ITGA2: variants seen among roughly 807,000 people sequenced by gnomAD.
ITGA2 encodes integrin subunit alpha 2.
In ITGA2, 101 loss-of-function variants were observed where a neutral mutation model predicts 146.3. That is an observed-to-expected ratio of 0.69 (90% CI 0.59 to 0.81). ITGA2 has a LOEUF of 0.81. Among genes scored for constraint, ITGA2 ranks in the 40% least tolerant of loss-of-function variants. The pLI, the probability that ITGA2 is intolerant of heterozygous loss-of-function variation, is 0.00. For synonymous variants in ITGA2, 477 were observed against 487.1 expected (o/e 0.98, Z 0.27); for missense variants, 1,281 against 1,402.7 (o/e 0.91, Z 1.39).
In ITGA2 at chr5:53,093,545, A is replaced by G. The variant is rs1361532949; in HGVS notation, c.*2946A>G. 1 of 152,132 alleles carries G rather than the reference A, an allele frequency of 6.6e-6. No individual in the cohort carries two copies. The highest frequency in any genetic ancestry group is 1.5e-5 in the Non-Finnish European group (1 of 68,030). The allele number at this position is 152,132 out of a possible 1,614,324, so 9.4% of individuals were successfully genotyped here. A position where few individuals can be genotyped will look rare whatever the true frequency, so the allele number is the denominator to read the frequency against. ...GCCAGAGCATGCTCCCCCCGCAGTC[A>G]TGACAATCAAAAAATGTCTCCAGAC... On this transcript the variant is annotated 3_prime_UTR_variant, in exon 30 of 30. Coordinates refer to ENST00000296585, the MANE Select transcript of ITGA2 (RefSeq NM_002203.4).
At chr5:52,993,723 A>G (rs918140226) in intron 1 of ITGA2, among the ~76,000 whole-genome samples, 1 of 152,230 alleles carries the variant, frequency 6.6e-6, no homozygotes, top group African/African-American at 2.4e-5. Context: ...ATGTTCAGTC[A>G]ATGTGTATAA....
At position 53,064,954 on chromosome 5, in the gene ITGA2, A is replaced by T; in HGVS notation, c.1645A>T (p.Ile549Phe). ...QHQFLEGPEG[I>F]ENTRFGSAIA... ...CCAATTTCTTGAAGGCCCCGAGGGC[A>T]TTGAAAACACTCGATTTGGTTCAGC... Residue 549 changes from isoleucine (I) to phenylalanine (F), a missense_variant, in exon 14 of 30, where the codon ATT becomes TTT. Physicochemically the swap from Ile to Phe is conservative, Grantham distance 21 (BLOSUM62 0). Coordinates refer to ENST00000296585, the MANE Select transcript of ITGA2 (RefSeq NM_002203.4). 1 of 1,612,872 alleles carries T rather than the reference A, an allele frequency of 6.2e-7. No individual in the cohort carries two copies. The highest frequency in any genetic ancestry group is 1.1e-5 in the South Asian group (1 of 91,072).
At chr5:53,004,910 T>G (rs1234683348) in intron 1 of ITGA2, among the ~76,000 whole-genome samples, 2 of 91,600 alleles carry the variant, frequency 2.2e-5, no homozygotes, top group African/African-American at 3.8e-5. Context: ...TTTTTTTTTT[T>G]TTTTTTTTTT....
At chr5:53,014,857 C>G (rs1281483509) in intron 1 of ITGA2, among the ~76,000 whole-genome samples, 1 of 151,964 alleles carries the variant, frequency 6.6e-6, no homozygotes, top group Non-Finnish European at 1.5e-5. Context: ...TTATCTATTT[C>G]TTCTAGGTTT....
chr5:53,067,257 G>C lies in ITGA2; in HGVS notation c.2083G>C (p.Ala695Pro). Residue 695 changes from alanine to proline, a missense_variant and splice_region_variant, in exon 16 of 30, where the codon GCC (alanine) becomes CCC (proline). Ala to Pro is a conservative substitution (Grantham distance 27, BLOSUM62 -1). This residue lies in a region of ITGA2 where 795 missense variants were observed against 841.7 expected (regional missense o/e 0.94). Transcript: ENST00000296585. ...ACCTACTAAGCAAAACAATCAAGTG[G>C]GTGCGTAGATCTGAAATAATCTGTA... ...FRPTKQNNQV[A>P]IVYNITLDAD... 1 of 1,611,248 alleles carries C rather than the reference G, an allele frequency of 6.2e-7. No individual in the cohort carries two copies. Among genetic ancestry groups the C allele is most frequent in the South Asian group, 1.1e-5 (1 of 91,026 alleles).
At chr5:53,016,495 C>G (rs562105883) in intron 1 of ITGA2, among the ~76,000 whole-genome samples, 1 of 152,092 alleles carries the variant, frequency 6.6e-6, no homozygotes, top group African/African-American at 2.4e-5. Flanking sequence ...TGACCTAGCC[C>G]TTCTTTCTGG....
intron 1 of ITGA2, among the ~76,000 whole-genome samples, chr5:52,992,056 T>A (rs909983512): frequency 3.9e-5 from 6 of 152,174 alleles, no homozygotes; most frequent in African/African-American, 1.4e-4. Flanking sequence ...GCCCCAGCAC[T>A]CATCCCTCTT....
chr5:53,011,607 C>T (rs1742131366), intron 1 of ITGA2, among the ~76,000 whole-genome samples: 1 of 152,050 alleles, frequency 6.6e-6, no homozygotes, highest in South Asian at 2.1e-4. Flanking sequence ...TTTTTCTACA[C>T]AAAGATAGTT....
chr5:53,072,721 TA>T (rs759075878), intron 19 of ITGA2, 26 bp downstream of exon 19: 5 of 1,546,096 alleles, frequency 3.2e-6, no homozygotes, highest in Non-Finnish European at 4.5e-6. Flanking sequence ...AAGCTTGTTG[TA>T]AAATGTAGAA....
At chr5:53,009,149 T>G (rs1192867688) in intron 1 of ITGA2, among the ~76,000 whole-genome samples, 3 of 152,144 alleles carry the variant, frequency 2.0e-5, no homozygotes, top group African/African-American at 4.8e-5. Flanking sequence ...CACCCCTCAA[T>G]ATTATTCATC....
chr5:53,044,748 CATCT>C (rs1228124411), intron 3 of ITGA2, among the ~76,000 whole-genome samples: 1 of 152,018 alleles, frequency 6.6e-6, no homozygotes, highest in Non-Finnish European at 1.5e-5. Context: ...CATAATTAAA[CATCT>C]ATAAGTCATA....
chr5:53,063,854 TTTC>T (rs1440350352), intron 13 of ITGA2, among the ~76,000 whole-genome samples: 2 of 151,890 alleles, frequency 1.3e-5, no homozygotes, highest in Admixed American at 1.3e-4. Flanking sequence ...TCTTTAAATA[TTTC>T]TTACTTGTGA....
chr5:53,077,980 C>T (rs3212603), intron 23 of ITGA2, among the ~76,000 whole-genome samples: 28,996 of 151,950 alleles, frequency 0.19, 3,222 homozygotes, highest in South Asian at 0.27. Flanking sequence ...AAGAAGCTAC[C>T]CTGGTTGGAA....
intron 13 of ITGA2, among the ~76,000 whole-genome samples, chr5:53,063,481 A>G (rs1038397487): frequency 1.3e-5 from 2 of 151,872 alleles, no homozygotes; most frequent in South Asian, 2.1e-4. Flanking sequence ...CCATACATTA[A>G]CATGGCAAAG....
chr5:52,995,106 A>G (rs1741171125), intron 1 of ITGA2, among the ~76,000 whole-genome samples: 1 of 152,240 alleles, frequency 6.6e-6, no homozygotes. Flanking sequence ...TGACGCAATG[A>G]AAACAGAAGG....
chr5:52,991,174 T>G, intron 1 of ITGA2, among the ~76,000 whole-genome samples: 1 of 152,110 alleles, frequency 6.6e-6, no homozygotes, highest in Admixed American at 6.6e-5. Flanking sequence ...TTTTGTGCAT[T>G]TATTCCCTCC....
chr5:53,074,712 A>G (rs1741065442), intron 21 of ITGA2, among the ~76,000 whole-genome samples: 1 of 152,054 alleles, frequency 6.6e-6, no homozygotes, highest in African/African-American at 2.4e-5. Flanking sequence ...CTTTTTGTCT[A>G]AATATGTTGA....
chr5:53,068,634 T>C (rs555090569), intron 16 of ITGA2, among the ~76,000 whole-genome samples: 20 of 151,852 alleles, frequency 1.3e-4, no homozygotes, highest in Non-Finnish European at 2.2e-4. Context: ...CCTTTAAATC[T>C]TTTTTCCTGA....
chr5:53,037,837 T>A (rs939616116), intron 2 of ITGA2, among the ~76,000 whole-genome samples: 1 of 152,220 alleles, frequency 6.6e-6, no homozygotes, highest in African/African-American at 2.4e-5. Context: ...GGTCTGGTTT[T>A]CCACTATTTT....
Sources: gnomAD v4.1 joint callset for allele counts (sites outside exome capture counted in the v4.1 genomes callset) on GRCh38, gnomAD v4.1.1 for gene constraint, gnomAD v4.1.1 regional missense constraint, MANE v1.5 for transcripts, NCBI Gene and HGNC (gene_info 2026-07-23, HGNC 2026-07-21) for gene names.